AGBL4: variants seen among roughly 807,000 people sequenced by gnomAD.
AGBL4 encodes AGBL carboxypeptidase 4.
In AGBL4, 58 loss-of-function variants were observed where a neutral mutation model predicts 66.4. The ratio of observed to expected loss-of-function variants is 0.87; its 90% CI spans 0.71 to 1.09. The LOEUF (loss-of-function observed/expected upper bound fraction) is 1.09, where lower values mean the gene tolerates loss of function less well. AGBL4 is among the 50% of genes least tolerant of loss of function. The pLI, the probability that AGBL4 is intolerant of heterozygous loss-of-function variation, is 0.00. For missense variants in AGBL4, 579 were observed against 631.0 expected, an observed-to-expected ratio of 0.92 and a Z score of 0.88; for synonymous variants, 234 against 222.9, an observed-to-expected ratio of 1.05 and a Z score of -0.44.
intron 3 of AGBL4, among the ~76,000 whole-genome samples, chr1:49,478,806 G>A (rs769132362): frequency 6.6e-6 from 1 of 151,904 alleles, no homozygotes; most frequent in South Asian, 2.1e-4. Flanking sequence ...GATGCAATAA[G>A]ACATAAATAG....
chr1:49,228,003 A>G (rs1650036131), intron 4 of AGBL4, among the ~76,000 whole-genome samples: 1 of 152,172 alleles, frequency 6.6e-6, no homozygotes, highest in Non-Finnish European at 1.5e-5. Flanking sequence ...AAAGATCTCT[A>G]TACTGTGATA....
intron 4 of AGBL4, among the ~76,000 whole-genome samples, chr1:49,226,726 C>G (rs892075336): frequency 1.3e-5 from 2 of 152,174 alleles, no homozygotes; most frequent in African/African-American, 4.8e-5. Context: ...CCTTAGGTCC[C>G]CTTTTTTCCC....
At chr1:48,868,715 T>A (rs1334303082) in intron 5 of AGBL4, among the ~76,000 whole-genome samples, 1 of 152,212 alleles carries the variant, frequency 6.6e-6, no homozygotes, top group Non-Finnish European at 1.5e-5. Flanking sequence ...TATTTAAAGT[T>A]CAGAGATTTG....
At chr1:48,550,268 A>G (rs1472946892) in intron 11 of AGBL4, among the ~76,000 whole-genome samples, 4 of 152,212 alleles carry the variant, frequency 2.6e-5, no homozygotes, top group Non-Finnish European at 1.5e-5. Flanking sequence ...GTCAGAAATC[A>G]GTTTCACTGG....
At chr1:49,348,896 C>T (rs1645693587) in intron 3 of AGBL4, among the ~76,000 whole-genome samples, 1 of 152,180 alleles carries the variant, frequency 6.6e-6, no homozygotes, top group Non-Finnish European at 1.5e-5. Flanking sequence ...GTTTATTAAT[C>T]TCTTCCAGGG....
intron 5 of AGBL4, among the ~76,000 whole-genome samples, chr1:48,905,611 GT>G (rs1386805805): frequency 6.6e-6 from 1 of 152,178 alleles, no homozygotes; most frequent in Non-Finnish European, 1.5e-5. Context: ...TTTGAAGTAA[GT>G]GTTAGTGTTA....
chr1:48,640,288 T>C (rs1645733509), intron 8 of AGBL4, among the ~76,000 whole-genome samples: 1 of 152,188 alleles, frequency 6.6e-6, no homozygotes, highest in Admixed American at 6.5e-5. Context: ...TTTTCTTTCT[T>C]CCTCTAATCT....
chr1:49,640,222 T>C (rs1013678819), intron 3 of AGBL4, among the ~76,000 whole-genome samples: 4 of 152,198 alleles, frequency 2.6e-5, no homozygotes, highest in Non-Finnish European at 5.9e-5. Context: ...TACTTTGAGA[T>C]AGCTTTGTTA....
intron 6 of AGBL4, among the ~76,000 whole-genome samples, chr1:48,716,614 C>T (rs949713215): frequency 2.6e-5 from 4 of 152,164 alleles, no homozygotes; most frequent in Non-Finnish European, 5.9e-5. Flanking sequence ...GAACAGGCTT[C>T]TTCTCGACAT....
rs920294306 is a variant in AGBL4, at chr1:49,921,986, A to T, written c.35-70468T>A. 4.3e-4 allele frequency among the ~76,000 whole-genome samples: 66 copies of T among 152,226 alleles called. 2 individuals are homozygous for T. The highest frequency in any genetic ancestry group is 4.3e-3 in the Admixed American group (65 of 15,284). On this transcript the variant is annotated intron_variant, in intron 1 of 13. Transcript: ENST00000371839. ...GGCATCCTTCAATCCAATCACATTG[A>T]CACCTAATATTAACCATCACCATCT...
At chr1:48,644,205 T>C (rs966071815) in intron 8 of AGBL4, among the ~76,000 whole-genome samples, 6 of 152,146 alleles carry the variant, frequency 3.9e-5, no homozygotes, top group African/African-American at 1.4e-4. Context: ...TATATTACTG[T>C]GTTGTTATTT....
intron 3 of AGBL4, among the ~76,000 whole-genome samples, chr1:49,635,151 A>G (rs990249933): frequency 3.3e-5 from 5 of 152,210 alleles, no homozygotes; most frequent in African/African-American, 1.2e-4. Flanking sequence ...GGCCTCAAAC[A>G]CAAAGCTCAT....
At position 49,516,487 on chromosome 1, in the gene AGBL4, G is replaced by A. The variant is rs142216009; in HGVS notation, c.282+180826C>T. Among the ~76,000 whole-genome samples, 235 of 152,208 alleles carry A rather than the reference G, an allele frequency of 1.5e-3. 1 individual carries two copies. The highest frequency in any genetic ancestry group is 5.5e-3 in the African/African-American group (229 of 41,564). ...ACAGAGGAAAGAAACATCATTGCAT[G>A]TACAGCATTGCTGTGGGATAACATT... is the stretch of plus-strand genomic sequence containing the variant. On this transcript the variant is annotated intron_variant, in intron 3 of 13. Coordinates refer to ENST00000371839, the MANE Select transcript of AGBL4 (RefSeq NM_032785.4).
At chr1:49,627,718 T>C (rs552404804) in intron 3 of AGBL4, among the ~76,000 whole-genome samples, 1 of 152,174 alleles carries the variant, frequency 6.6e-6, no homozygotes, top group African/African-American at 2.4e-5. Context: ...TGAACTGACC[T>C]ATCCATAAAC....
At chr1:49,421,077 A>G (rs998275498) in intron 3 of AGBL4, among the ~76,000 whole-genome samples, 17 of 152,246 alleles carry the variant, frequency 1.1e-4, no homozygotes, top group Non-Finnish European at 1.0e-4. Flanking sequence ...GCATAGGAAG[A>G]CAGCTGATTG....
At chr1:48,634,706 C>T in intron 8 of AGBL4, 102 bp from the exon 9 acceptor site, 2 of 732,366 alleles carry the variant, frequency 2.7e-6, no homozygotes, top group Non-Finnish European at 4.4e-6. Context: ...TGTCACTTAC[C>T]TAGCATTTAT....
chr1:49,253,624 C>T (rs1447728823), intron 3 of AGBL4, among the ~76,000 whole-genome samples: 4 of 151,872 alleles, frequency 2.6e-5, no homozygotes, highest in Admixed American at 2.0e-4. Context: ...CCTACTGAAA[C>T]TATTCCAAAA....
intron 4 of AGBL4, among the ~76,000 whole-genome samples, chr1:49,237,639 T>C (rs1393969116): frequency 6.6e-6 from 1 of 150,528 alleles, no homozygotes; most frequent in Non-Finnish European, 1.5e-5. Flanking sequence ...AACTCTACCT[T>C]ATTTTAAGTC....
intron 7 of AGBL4, among the ~76,000 whole-genome samples, chr1:48,655,304 T>G (rs1478460118): frequency 2.0e-5 from 3 of 152,214 alleles, no homozygotes; most frequent in Admixed American, 2.0e-4. Context: ...GGGAGATCTT[T>G]CTTTTCTTTT....
Sources: allele counts gnomAD v4.1 joint callset (sites outside exome capture counted in the v4.1 genomes callset), GRCh38; gene constraint gnomAD v4.1.1; transcripts MANE v1.5; gene names NCBI Gene and HGNC (gene_info 2026-07-23, HGNC 2026-07-21).